The following UBAC1 variants were observed in gnomAD, a reference collection of about 807,000 sequenced individuals.
UBAC1 encodes UBA domain containing 1, also known as ubiquitin-associated domain-containing protein 1.
UBAC1 carries 27 observed loss-of-function variants against 45.9 expected under a neutral mutation model. The observed-to-expected ratio is 0.59, with a 90% CI of 0.43 to 0.81. The LOEUF is 0.81. Among genes scored for constraint, UBAC1 ranks in the 30% least tolerant of loss-of-function variants. UBAC1 has a pLI of 0.00. For synonymous variants in UBAC1, 227 were observed against 215.5 expected (o/e 1.05, Z -0.47); for missense variants, 529 against 539.2 (o/e 0.98, Z 0.19).
intron 1 of UBAC1, among the ~76,000 whole-genome samples, chr9:135,958,148 A>G (rs1015079637): frequency 3.3e-5 from 5 of 149,784 alleles, no homozygotes; most frequent in Non-Finnish European, 7.4e-5. Context: ...CCAGGTTCAC[A>G]CCATTCTCCT....
chr9:135,953,724 G>C lies in UBAC1; in HGVS notation c.289C>G (p.Pro97Ala). 1 of 1,613,962 alleles carries C rather than the reference G, an allele frequency of 6.2e-7. No homozygotes were observed. Among genetic ancestry groups the C allele is most frequent in the Non-Finnish European group, 8.5e-7 (1 of 1,179,912 alleles). Residue 97 changes from proline to alanine, a missense_variant, in exon 3 of 10, where the codon CCA (proline) becomes GCA (alanine). Pro to Ala is a conservative substitution (Grantham distance 27). Transcript: ENST00000371756. ...TCAGCCATCTTGGGAAGTGGTGATGGAGCACGCTTTTTTATCAATAATAGG... is the reference window on the plus strand; with the variant it reads ...TCAGCCATCTTGGGAAGTGGTGATGCAGCACGCTTTTTTATCAATAATAGG... ...DVLLLIKKRA[P>A]SPLPKMADVS...
Position 135,933,494 on chromosome 9 carries a change from T to C in UBAC1, c.1124A>G (p.Asn375Ser), listed in dbSNP as rs1839169766. 6.2e-7 allele frequency: 1 copy of C among 1,613,868 alleles called. No individual in the cohort carries two copies. The highest frequency in any genetic ancestry group is 8.5e-7 in the Non-Finnish European group (1 of 1,179,978). ...TLLAFEDMLE[N>S]PLNSTQWMND... ...CATCCACTGGGTGCTGTTCAGTGGG[T>C]TCTCCAGCATGTCTTCAAATGCTGC... The change falls in exon 10 of 10, where the codon AAC (asparagine) becomes AGC (serine). Residue 375 changes from asparagine to serine, a missense_variant. Coordinates refer to ENST00000371756, the MANE Select transcript of UBAC1 (RefSeq NM_016172.3).
chr9:135,933,438 G>C lies in UBAC1; in HGVS notation c.1180C>G (p.Gln394Glu), dbSNP rs1196992964. The C allele has an allele frequency of 9.3e-6, 15 of 1,614,034 alleles. No individual in the cohort carries two copies. The highest frequency in any genetic ancestry group is 1.3e-5 in the Non-Finnish European group (15 of 1,180,026). The change falls in exon 10 of 10, where the codon CAG (glutamine) becomes GAG (glutamate). Residue 394 changes from glutamine (Q) to glutamate (E), a missense_variant. Gln to Glu is a conservative substitution (Grantham distance 29). Transcript: ENST00000371756. Reference protein sequence around the residue: ...NDPETGPVMLQISRIFQTLNR... With the variant: ...NDPETGPVMLEISRIFQTLNR... Reference sequence around the variant, plus strand: ...AGTGTCTGGAAGATTCTAGAGATCTGCAGCATGACAGGCCCCGTTTCTGGA... The same window carrying C: ...AGTGTCTGGAAGATTCTAGAGATCTCCAGCATGACAGGCCCCGTTTCTGGA...
At chr9:135,953,315 T>C (rs1588535673) in intron 3 of UBAC1, among the ~76,000 whole-genome samples, 4 of 152,210 alleles carry the variant, frequency 2.6e-5, no homozygotes, top group Admixed American at 2.6e-4. Context: ...TTTTTAAGTT[T>C]GTATTTATTT....
chr9:135,958,546 C>G (rs1839494466), intron 1 of UBAC1, among the ~76,000 whole-genome samples: 1 of 152,118 alleles, frequency 6.6e-6, no homozygotes, highest in Non-Finnish European at 1.5e-5. Flanking sequence ...AGGAGCACAG[C>G]AGGGAGAAGC....
intron 1 of UBAC1, among the ~76,000 whole-genome samples, chr9:135,956,737 T>C (rs890281348): frequency 3.9e-5 from 6 of 152,212 alleles, no homozygotes; most frequent in Non-Finnish European, 8.8e-5. Context: ...ACAGTTTCCA[T>C]AGCCTGGCCT....
At chr9:135,943,346 C>T (rs1428918018) in intron 7 of UBAC1, among the ~76,000 whole-genome samples, 2 of 152,000 alleles carry the variant, frequency 1.3e-5, no homozygotes, top group Admixed American at 1.3e-4. Flanking sequence ...CCAGCCTGGG[C>T]GACAGAGCAA....
chr9:135,945,415 T>C, intron 6 of UBAC1, 165 bp from the exon 7 acceptor site: 1 of 600,036 alleles, frequency 1.7e-6, no homozygotes, highest in Non-Finnish European at 2.8e-6. Context: ...ACGGAAGCGC[T>C]GGTCCTTGCC....
chr9:135,945,404 G>A (rs1355754211), intron 6 of UBAC1, 154 bp from the exon 7 acceptor site: 12 of 653,712 alleles, frequency 1.8e-5, no homozygotes, highest in South Asian at 6.9e-5. Context: ...ACACAGGTGC[G>A]ACGGAAGCGC....
intron 4 of UBAC1, among the ~76,000 whole-genome samples, chr9:135,947,250 G>GTGTGTTTTTTT (rs1415154417): frequency 6.6e-6 from 1 of 151,790 alleles, no homozygotes; most frequent in Non-Finnish European, 1.5e-5. Flanking sequence ...GTTCAGATTT[G>GTGTGTTTTTTT]TGTGTTTTTT....
rs115103279 is a variant in UBAC1 at position 135,947,033 on chromosome 9, A to G, written c.442-662T>C. Among the ~76,000 whole-genome samples the G allele has an allele frequency of 7.7e-3, 1,168 of 152,308 alleles. 16 individuals carry two copies. Among genetic ancestry groups the G allele is most frequent in the African/African-American group, 0.026 (1,101 of 41,578 alleles). On this transcript the variant is annotated intron_variant, in intron 4 of 9. Transcript: ENST00000371756. ...CCCTGGTCAGCACAGAACTCTCTGG[A>G]AGACACCCCAAGAGGTTCATTCCTA...
chr9:135,944,546 C>T (rs1588532385), intron 7 of UBAC1, among the ~76,000 whole-genome samples: 1 of 152,176 alleles, frequency 6.6e-6, no homozygotes, highest in East Asian at 1.9e-4. Context: ...CACACACAGG[C>T]GCAGGGACCC....
chr9:135,961,090 C>G lies in UBAC1; in HGVS notation c.73G>C (p.Glu25Gln), dbSNP rs1240066266. Residue 25 changes from glutamate (E) to glutamine (Q), a missense_variant, in exon 1 of 10, where the codon GAG (glutamate) becomes CAG (glutamine). Glu to Gln is a conservative substitution (Grantham distance 29). Coordinates refer to ENST00000371756, the MANE Select transcript of UBAC1 (RefSeq NM_016172.3). ...RLHICASDGA[E>Q]WLEEATEDTS... ...TCCTCGGTGGCCTCCTCCAGCCACT[C>G]GGCGCCGTCGGACGCGCAGATGTGC... is the stretch of plus-strand genomic sequence containing the variant. The G allele has an allele frequency of 4.4e-6, 7 of 1,585,690 alleles. No individual in the cohort carries two copies. In the Admixed American group the frequency reaches 1.0e-4, roughly 24 times the overall value.
At chr9:135,950,910 C>T (rs566078948) in intron 3 of UBAC1, among the ~76,000 whole-genome samples, 1 of 151,994 alleles carries the variant, frequency 6.6e-6, no homozygotes, top group African/African-American at 2.4e-5. Context: ...CTGGGCAACA[C>T]GGTGAGACCC....
intron 3 of UBAC1, 109 bp downstream of exon 3, chr9:135,953,571 G>C (rs1839431665): frequency 1.2e-6 from 1 of 841,004 alleles, no homozygotes; most frequent in Non-Finnish European, 1.9e-6. Flanking sequence ...ACCCGCCTCG[G>C]CCTCCCAAAG....
rs1022742834 is a variant in UBAC1 at position 135,961,235 on chromosome 9, G to C, written c.-73C>G. The C allele has an allele frequency of 7.2e-7, 1 of 1,386,906 alleles. No individual in the cohort carries two copies. Among genetic ancestry groups the C allele is most frequent in the Admixed American group, 3.8e-5 (1 of 26,326 alleles). The allele number at this position is 1,386,906 out of a possible 1,614,324, so 85.9% of individuals were successfully genotyped here. ...GTCACCGGGAAGGCGGGCGGGGAGG[G>C]GGCGGGGCCAGACCGCCCGCGCGCT... On this transcript the variant is annotated 5_prime_UTR_variant, in exon 1 of 10. Coordinates refer to ENST00000371756, the MANE Select transcript of UBAC1 (RefSeq NM_016172.3).
intron 7 of UBAC1, among the ~76,000 whole-genome samples, chr9:135,942,495 T>A (rs1386607308): frequency 1.3e-5 from 2 of 151,784 alleles, no homozygotes; most frequent in Non-Finnish European, 2.9e-5. Flanking sequence ...TACAAAATTT[T>A]AAAAAATAAA....
At chr9:135,937,929 G>T (rs1306569072) in intron 9 of UBAC1, among the ~76,000 whole-genome samples, 2 of 152,210 alleles carry the variant, frequency 1.3e-5, no homozygotes, top group Non-Finnish European at 2.9e-5. Flanking sequence ...TGCTGGCGCA[G>T]TCTCCACCCC....
chr9:135,941,814 G>A (rs890237256), intron 7 of UBAC1, among the ~76,000 whole-genome samples: 15 of 152,366 alleles, frequency 9.8e-5, no homozygotes, highest in Admixed American at 5.2e-4. Context: ...CACTGGGAAG[G>A]GAGGGGCAGC....
Sources: allele counts gnomAD v4.1 joint callset (sites outside exome capture counted in the v4.1 genomes callset), GRCh38; gene constraint gnomAD v4.1.1; transcripts MANE v1.5; gene names NCBI Gene and HGNC (gene_info 2026-07-23, HGNC 2026-07-21).